Variants in CFAP92 observed in about 807,000 individuals in gnomAD.
CFAP92 encodes uncharacterized protein CFAP92.
A neutral mutation model predicts 106.3 loss-of-function variants in CFAP92; 86 were observed. The observed-to-expected ratio is 0.81, with a 90% CI of 0.68 to 0.97. CFAP92 has a LOEUF of 0.97. CFAP92 is among the 50% of genes least tolerant of loss of function. The pLI is 0.00. For synonymous variants in CFAP92, 477 were observed against 506.4 expected, an observed-to-expected ratio of 0.94 and a Z score of 0.78; for missense variants, 1,204 against 1,283.8, an observed-to-expected ratio of 0.94 and a Z score of 0.95.
intron 10 of CFAP92, among the ~76,000 whole-genome samples, chr3:128,940,820 T>A (rs940461663): frequency 6.6e-6 from 1 of 152,098 alleles, no homozygotes; most frequent in Non-Finnish European, 1.5e-5. Flanking sequence ...AAAAAAGACC[T>A]TTACATGTTG....
the CFAP92 span, among the ~76,000 whole-genome samples, chr3:129,014,929 C>T: frequency 6.6e-6 from 1 of 152,102 alleles, no homozygotes; most frequent in African/African-American, 2.4e-5. This position sits in a 1 kb window ranked among gnomAD's most constrained non-coding sequence, Gnocchi z 4.3. Context: ...GTCTCAGCTC[C>T]AAGTGGCTCA....
At chr3:128,975,077 A>G (rs921155022) in intron 7 of CFAP92, among the ~76,000 whole-genome samples, 4 of 151,622 alleles carry the variant, frequency 2.6e-5, no homozygotes, top group Non-Finnish European at 4.4e-5. Flanking sequence ...CCGAGACTGC[A>G]CAACTGCACT....
At chr3:128,952,809 G>C (rs1294348705) in intron 9 of CFAP92, among the ~76,000 whole-genome samples, 1 of 152,008 alleles carries the variant, frequency 6.6e-6, no homozygotes, top group Non-Finnish European at 1.5e-5. Context: ...AAATAGGCCG[G>C]GTGCGGTGGC....
chr3:128,954,949 C>A (rs1285551047), intron 9 of CFAP92, among the ~76,000 whole-genome samples: 1 of 37,186 alleles, frequency 2.7e-5, no homozygotes, highest in Non-Finnish European at 4.2e-5. Flanking sequence ...CCAGCCGCCC[C>A]GTCCGGGAGG....
In CFAP92 at chr3:128,932,791, G is replaced by A; in HGVS notation, c.2660C>T (p.Thr887Ile). 6.5e-7 allele frequency: 1 copy of A among 1,536,224 alleles called. No homozygotes were observed. The highest frequency in any genetic ancestry group is 8.7e-7 in the Non-Finnish European group (1 of 1,146,926). Residue 887 changes from threonine (T) to isoleucine (I), a missense_variant, in exon 12 of 16, where the codon ACC becomes ATC. By Grantham distance (89) the Thr-to-Ile change is moderately conservative (BLOSUM62 -1). Transcript: ENST00000645291. The part of the protein sequence containing the change: ...EDYHSRNSTL[T>I]LEIHAHQEKY... ...CTCCTGGTGGGCGTGGATCTCTAAG[G>A]TGAGGGTGGAGTTCCGACTGTGGTA...
the CFAP92 span, among the ~76,000 whole-genome samples, chr3:129,017,420 G>A: frequency 1.3e-5 from 2 of 152,242 alleles, no homozygotes; most frequent in East Asian, 1.9e-4. Flanking sequence ...AAGTCCAGGC[G>A]GGCGTGGCGG....
intron 9 of CFAP92, among the ~76,000 whole-genome samples, chr3:128,953,641 C>A (rs1221001501): frequency 4.5e-5 from 6 of 132,662 alleles, no homozygotes; most frequent in African/African-American, 2.0e-4. Flanking sequence ...GTCTCCCTCT[C>A]CCCACGGTCT....
the CFAP92 span, among the ~76,000 whole-genome samples, chr3:129,021,337 G>A: frequency 6.6e-6 from 1 of 152,180 alleles, no homozygotes; most frequent in Non-Finnish European, 1.5e-5. Flanking sequence ...TTGAGGGAAG[G>A]TCACACTTTG....
At chr3:128,989,618 C>T (rs573302196) in intron 2 of CFAP92, among the ~76,000 whole-genome samples, 21 of 152,288 alleles carry the variant, frequency 1.4e-4, no homozygotes, top group African/African-American at 4.6e-4. Flanking sequence ...GCTTACACTC[C>T]AGCTTAAACT....
At chr3:128,912,515 G>GA in intron 15 of CFAP92, 1 of 1,613,652 alleles carries the variant, frequency 6.2e-7, no homozygotes. Flanking sequence ...AGATGCTCCA[G>GA]AAAACCTAGA....
At chr3:128,935,408 G>T in intron 10 of CFAP92, 89 bp from the exon 11 acceptor site, 2 of 910,822 alleles carry the variant, frequency 2.2e-6, no homozygotes, top group South Asian at 2.3e-5. Flanking sequence ...CAGCTTTTAT[G>T]TTATTTAAAA....
At chr3:128,926,386 C>T (rs945052146) in intron 12 of CFAP92, among the ~76,000 whole-genome samples, 2 of 152,124 alleles carry the variant, frequency 1.3e-5, no homozygotes, top group African/African-American at 4.8e-5. Context: ...TGGTGGCACA[C>T]ACCTGTAGTT....
chr3:129,014,045 G>C, the CFAP92 span, among the ~76,000 whole-genome samples: 10 of 152,198 alleles, frequency 6.6e-5, no homozygotes, highest in African/African-American at 2.4e-4. This position sits in a 1 kb window ranked among gnomAD's most constrained non-coding sequence, Gnocchi z 4.3. Flanking sequence ...CCCAGGAAGG[G>C]GCAGACAGAG....
At chr3:128,956,215 T>TAAAAAAAAAAAAAAAAAAAAAAAAAA (rs545191144) in intron 9 of CFAP92, among the ~76,000 whole-genome samples, 4 of 68,746 alleles carry the variant, frequency 5.8e-5, no homozygotes, top group Non-Finnish European at 1.2e-4. Context: ...AATAAAAAAA[T>TAAAAAAAAAAAAAAAAAAAAAAAAAA]AAAAAAAAAA....
At position 128,910,215 on chromosome 3, in the gene CFAP92, G is replaced by GTTGA; in HGVS notation, c.*80_*83dup. On this transcript the variant is annotated 3_prime_UTR_variant, in exon 16 of 16. Transcript: ENST00000645291. ...ATCTGTCCTGCTGCACTTTAATGAA[G>GTTGA]TTGATTGTTGAGGAGGGTGTGGTCG... is the stretch of plus-strand genomic sequence containing the variant. 6.2e-7 allele frequency: 1 copy of GTTGA among 1,609,846 alleles called. No homozygotes were observed. Among genetic ancestry groups the GTTGA allele is most frequent in the Non-Finnish European group, 8.5e-7 (1 of 1,179,276 alleles).
chr3:128,917,820 ATAAAAT>A (rs1488914830), intron 12 of CFAP92, among the ~76,000 whole-genome samples: 1 of 152,230 alleles, frequency 6.6e-6, no homozygotes, highest in Non-Finnish European at 1.5e-5. Flanking sequence ...TATAAAAAAG[ATAAAAT>A]TAGAAACTGA....
chr3:128,945,217 G>C lies in CFAP92; in HGVS notation c.2112C>G (p.Ala704=). ...PVRTLQQILS[A]FKVRVRVQEQ... ...CCTGGACCCGCACACGCACCTTGAA[G>C]GCTGACAGGATCTGCTGCAGGGTCC... Residue 704 remains alanine (A), a synonymous_variant, in exon 10 of 16, where the codon GCC becomes GCG. Transcript: ENST00000645291. The C allele has an allele frequency of 2.0e-6, 3 of 1,536,162 alleles. No individual in the cohort carries two copies. Among genetic ancestry groups the C allele is most frequent in the Non-Finnish European group, 2.6e-6 (3 of 1,146,924 alleles).
rs377502862 is a variant in CFAP92, at chr3:128,987,615, C to T, written c.667+1G>A. On this transcript the variant is annotated splice_donor_variant, in intron 4 of 15. Coordinates refer to ENST00000645291, the MANE Select transcript of CFAP92 (RefSeq NM_001394090.1). LOFTEE classifies it high-confidence loss of function. ...AACCATTTCAAATAAAACCAGAGCA[C>T]CTGACTTATGAAAAGCTCCCACGTC... The T allele has an allele frequency of 1.2e-6, 2 of 1,613,548 alleles. No homozygotes were observed. The highest frequency in any genetic ancestry group is 1.7e-6 in the Non-Finnish European group (2 of 1,179,620).
In CFAP92 at chr3:128,986,516, T is replaced by C. The variant is rs553717081; in HGVS notation, c.667+1100A>G. Among the ~76,000 whole-genome samples the C allele has an allele frequency of 3.3e-5, 5 of 152,268 alleles. No homozygotes were observed. The South Asian group carries it at 1.0e-3, about 32-fold the overall frequency. On this transcript the variant is annotated intron_variant, in intron 4 of 15. Transcript: ENST00000645291. ...GATTACAGGCATGAGCCACTGTACC[T>C]GCCTTTTTTTAATTTTTAACATCTC...
Sources: allele counts gnomAD v4.1 joint callset (sites outside exome capture counted in the v4.1 genomes callset), GRCh38; gene constraint gnomAD v4.1.1; non-coding constraint Gnocchi (gnomAD v3.1); transcripts MANE v1.5; gene names NCBI Gene and HGNC (gene_info 2026-07-23, HGNC 2026-07-21).